CHST9: variants seen among roughly 807,000 people sequenced by gnomAD.
The protein encoded by CHST9 is carbohydrate sulfotransferase 9.
A neutral mutation model predicts 44.4 loss-of-function variants in CHST9; 41 were observed. The ratio of observed to expected loss-of-function variants is 0.92; its 90% CI spans 0.72 to 1.20. The LOEUF (loss-of-function observed/expected upper bound fraction) is 1.20. Ranked by LOEUF, CHST9 falls within the 50% of genes most tolerant of loss-of-function variation. CHST9 has a pLI of 0.00. For synonymous variants in CHST9, 171 were observed against 178.4 expected, an observed-to-expected ratio of 0.96 and a Z score of 0.33; for missense variants, 504 against 516.5, an observed-to-expected ratio of 0.98 and a Z score of 0.23.
At chr18:26,966,285 C>A (rs1019968964) in intron 4 of CHST9, among the ~76,000 whole-genome samples, 3 of 152,150 alleles carry the variant, frequency 2.0e-5, no homozygotes, top group Non-Finnish European at 2.9e-5. Flanking sequence ...TGAAAATATT[C>A]TTTCATTTTT....
At chr18:26,917,839 CCACTT>C (rs886334550) in intron 5 of CHST9, among the ~76,000 whole-genome samples, 2 of 151,892 alleles carry the variant, frequency 1.3e-5, no homozygotes, top group Non-Finnish European at 2.9e-5. Flanking sequence ...ATCTCGATGA[CCACTT>C]CAGTTTTCTA....
At chr18:27,075,184 T>C (rs901764642) in intron 2 of CHST9, among the ~76,000 whole-genome samples, 1 of 151,098 alleles carries the variant, frequency 6.6e-6, no homozygotes, top group African/African-American at 2.4e-5. Context: ...TTTTTGTTTT[T>C]TTTTTGGCTG....
At chr18:27,018,486 A>G (rs2057181196) in intron 4 of CHST9, among the ~76,000 whole-genome samples, 1 of 152,182 alleles carries the variant, frequency 6.6e-6, no homozygotes, top group South Asian at 2.1e-4. Context: ...ATTTTTATAC[A>G]TGTGAGAAGG....
chr18:26,988,348 GA>G (rs2145203256), intron 4 of CHST9, among the ~76,000 whole-genome samples: 1 of 152,144 alleles, frequency 6.6e-6, no homozygotes, highest in South Asian at 2.1e-4. Context: ...ATAAAAGTTT[GA>G]AAAAAGATAT....
At chr18:27,055,335 T>C (rs2057642393) in intron 2 of CHST9, among the ~76,000 whole-genome samples, 1 of 152,174 alleles carries the variant, frequency 6.6e-6, no homozygotes, top group Admixed American at 6.6e-5. Flanking sequence ...GAAAAAAAAC[T>C]CGCAATATTT....
At chr18:27,072,491 G>A (rs890411731) in intron 2 of CHST9, among the ~76,000 whole-genome samples, 7 of 152,080 alleles carry the variant, frequency 4.6e-5, no homozygotes, top group Non-Finnish European at 8.8e-5. Flanking sequence ...AATGCTTTAA[G>A]TTAGTAGGGG....
intron 3 of CHST9, among the ~76,000 whole-genome samples, chr18:27,032,393 A>G (rs951698984): frequency 2.0e-5 from 3 of 152,234 alleles, no homozygotes; most frequent in African/African-American, 7.2e-5. Flanking sequence ...TGCATATTTC[A>G]TAGATCAGAA....
chr18:27,010,323 A>G (rs188227249), intron 4 of CHST9, among the ~76,000 whole-genome samples: 279 of 152,314 alleles, frequency 1.8e-3, no homozygotes, highest in African/African-American at 6.4e-3. Context: ...TTTTAGTGAC[A>G]TATGAAAAAA....
chr18:27,078,142 A>G (rs993487691), intron 2 of CHST9, among the ~76,000 whole-genome samples: 1 of 152,178 alleles, frequency 6.6e-6, no homozygotes, highest in African/African-American at 2.4e-5. Context: ...GGGACACAGA[A>G]TCAAACCATA....
At chr18:26,937,775 T>A (rs1156689591) in intron 5 of CHST9, among the ~76,000 whole-genome samples, 1 of 152,188 alleles carries the variant, frequency 6.6e-6, no homozygotes, top group African/African-American at 2.4e-5. Context: ...AAATTTAGCA[T>A]AATGCCTACA....
At chr18:27,123,333 G>T (rs2058391322) in intron 2 of CHST9, among the ~76,000 whole-genome samples, 1 of 152,158 alleles carries the variant, frequency 6.6e-6, no homozygotes, top group African/African-American at 2.4e-5. Flanking sequence ...CCAATTCAGA[G>T]CTGGTGCCCT....
intron 4 of CHST9, among the ~76,000 whole-genome samples, chr18:26,987,495 A>G (rs1388488102): frequency 2.6e-5 from 4 of 152,250 alleles, no homozygotes; most frequent in African/African-American, 9.6e-5. Context: ...AAACCTTTTA[A>G]AAGACAATTG....
At position 26,917,320 on chromosome 18, in the gene CHST9, G is replaced by A. The variant is rs372221757; in HGVS notation, c.271C>T (p.Arg91Ter). ...NPKFHMPEDV[R>*]EKKENLLLNS... ...AGTAGAAGATTTTCCTTTTTTTCTC[G>A]TACATCCTCAGGCATGTGAAACTTG... is the stretch of plus-strand genomic sequence containing the variant. The change falls in exon 6 of 6, where the codon CGA becomes TGA. Residue 91 changes from arginine (R) to a stop codon, truncating the protein, a stop_gained. Coordinates refer to ENST00000618847, the MANE Select transcript of CHST9 (RefSeq NM_031422.6). LOFTEE classifies it high-confidence loss of function. 3.5e-5 allele frequency: 56 copies of A among 1,611,954 alleles called. No individual in the cohort carries two copies. Among genetic ancestry groups the A allele is most frequent in the Non-Finnish European group, 4.3e-5 (51 of 1,179,356 alleles).
At chr18:27,130,094 C>T (rs2058458810) in intron 2 of CHST9, among the ~76,000 whole-genome samples, 1 of 152,122 alleles carries the variant, frequency 6.6e-6, no homozygotes, top group Non-Finnish European at 1.5e-5. Flanking sequence ...ACTGGCTATG[C>T]AAATTTAAGC....
intron 1 of CHST9, among the ~76,000 whole-genome samples, chr18:27,170,495 T>C (rs1156856330): frequency 2.0e-5 from 3 of 152,182 alleles, no homozygotes; most frequent in Non-Finnish European, 2.9e-5. Context: ...CTGACAAAAG[T>C]AGGACACTTC....
At chr18:27,144,675 CG>C (rs2058597346) in intron 1 of CHST9, among the ~76,000 whole-genome samples, 1 of 151,724 alleles carries the variant, frequency 6.6e-6, no homozygotes, top group Admixed American at 6.6e-5. Flanking sequence ...GGCAACAGAG[CG>C]AGACTCTGTC....
In CHST9 at chr18:27,170,952, T is replaced by C. The variant is rs377242354; in HGVS notation, c.-97+14184A>G. Reference sequence around the variant, plus strand: ...TATGTTTTCCTACTGAAACTCAGAATAACTGGGGACATCAGGCTGGAGAAA... The same window carrying C: ...TATGTTTTCCTACTGAAACTCAGAACAACTGGGGACATCAGGCTGGAGAAA... On this transcript the variant is annotated intron_variant, in intron 1 of 5. Coordinates refer to ENST00000618847, the MANE Select transcript of CHST9 (RefSeq NM_031422.6). 2.0e-4 allele frequency among the ~76,000 whole-genome samples: 31 copies of C among 152,320 alleles called. No homozygotes were observed. The South Asian group carries it at 6.0e-3, about 30-fold the overall frequency.
At chr18:27,113,870 G>A (rs548229286) in intron 2 of CHST9, among the ~76,000 whole-genome samples, 1 of 152,100 alleles carries the variant, frequency 6.6e-6, no homozygotes, top group Non-Finnish European at 1.5e-5. Context: ...GTTTAATATA[G>A]CTAATGAGCT....
rs1457373842 is a variant in CHST9 at position 26,911,010 on chromosome 18, G to A, written c.*5249C>T. The A allele has an allele frequency of 6.6e-6, 1 of 152,148 alleles. No individual in the cohort carries two copies. The highest frequency in any genetic ancestry group is 1.5e-5 in the Non-Finnish European group (1 of 68,034). The allele number at this position is 152,148 out of a possible 1,614,324, so 9.4% of individuals were successfully genotyped here. ...TCTTAGAAATGTAAAAGATTTCTGT[G>A]TCTGCAACTATCCTTCAGGTCAAGG... On this transcript the variant is annotated 3_prime_UTR_variant, in exon 6 of 6. Coordinates refer to ENST00000618847, the MANE Select transcript of CHST9 (RefSeq NM_031422.6).
Sources: allele counts gnomAD v4.1 joint callset (sites outside exome capture counted in the v4.1 genomes callset), GRCh38; gene constraint gnomAD v4.1.1; transcripts MANE v1.5; gene names NCBI Gene and HGNC (gene_info 2026-07-23, HGNC 2026-07-21).